The following FTCDNL1 variants were observed in gnomAD, a reference collection of about 807,000 sequenced individuals.
FTCDNL1 encodes the protein formiminotransferase N-terminal subdomain-containing protein.
Under a neutral mutation model 5.9 loss-of-function variants are expected in FTCDNL1, and 11 were observed. The ratio of observed to expected loss-of-function variants is 1.87; its 90% confidence interval spans 1.18 to 3.10. The LOEUF (loss-of-function observed/expected upper bound fraction) is 3.10, where lower values mean the gene tolerates loss of function less well. FTCDNL1 is among the 30% of genes most tolerant of loss of function. The pLI is 0.00. For missense variants in FTCDNL1, 115 were observed against 65.5 expected (o/e 1.76, Z -2.61); for synonymous variants, 58 against 24.8 (o/e 2.34, Z -3.99).
intron 3 of FTCDNL1, among the ~76,000 whole-genome samples, chr2:199,825,348 G>A (rs1416215294): frequency 6.6e-6 from 1 of 152,116 alleles, no homozygotes; most frequent in Non-Finnish European, 1.5e-5. Context: ...AAGGTAAGCC[G>A]TACTAAAAGG....
the FTCDNL1 span, among the ~76,000 whole-genome samples, chr2:199,750,985 T>C: frequency 6.6e-6 from 1 of 152,252 alleles, no homozygotes; most frequent in Non-Finnish European, 1.5e-5. Context: ...TTGCCATCCT[T>C]ATCTTCGCAG....
At chr2:199,755,695 G>T (rs1009454460), downstream of FTCDNL1, among the ~76,000 whole-genome samples, 1 of 152,080 alleles carries the variant, frequency 6.6e-6, no homozygotes, top group South Asian at 2.1e-4. Flanking sequence ...TACCTATGCT[G>T]CCCAGGTTCA....
intron 3 of FTCDNL1, among the ~76,000 whole-genome samples, chr2:199,821,495 C>A (rs1701688100): frequency 6.6e-6 from 1 of 151,014 alleles, no homozygotes; most frequent in Non-Finnish European, 1.5e-5. Context: ...GATGGAGTTT[C>A]ACGCTGTCGC....
At chr2:199,790,413 A>G (rs6711594) in intron 3 of FTCDNL1, among the ~76,000 whole-genome samples, 100,324 of 151,004 alleles carry the variant, frequency 0.66, 33,983 homozygotes, top group East Asian at 0.84. Context: ...CAGGAGAATC[A>G]CTTGAACCTG....
the FTCDNL1 span, among the ~76,000 whole-genome samples, chr2:199,730,360 G>A: frequency 1.3e-5 from 2 of 152,112 alleles, no homozygotes; most frequent in Non-Finnish European, 2.9e-5. Flanking sequence ...TTAAACTATA[G>A]AGCTTCTGCA....
In FTCDNL1 at chr2:199,771,809, T is replaced by C. The variant is rs115323052; in HGVS notation, c.212-10974A>G. Among the ~76,000 whole-genome samples, 1,136 of 152,286 alleles carry C rather than the reference T, an allele frequency of 7.5e-3. 5 individuals carry two copies. Among genetic ancestry groups the C allele is most frequent in the African/African-American group, 0.016 (682 of 41,552 alleles). ...AGAATACTACCTACAATTAAAGCAGTAGAATTAGAATATACTACTTCCCCC... is the reference window on the plus strand; with the variant it reads ...AGAATACTACCTACAATTAAAGCAGCAGAATTAGAATATACTACTTCCCCC... On this transcript the variant is annotated intron_variant, in intron 3 of 3. Transcript: ENST00000416668.
chr2:199,818,064 G>A (rs962041130), intron 4 of FTCDNL1, among the ~76,000 whole-genome samples: 3 of 152,190 alleles, frequency 2.0e-5, no homozygotes, highest in African/African-American at 7.2e-5. Context: ...TGAGAATTAA[G>A]TTATTCAAGT....
the FTCDNL1 span, among the ~76,000 whole-genome samples, chr2:199,668,713 AT>A: frequency 1.3e-5 from 2 of 152,260 alleles, no homozygotes; most frequent in East Asian, 3.9e-4. Flanking sequence ...ATTTTTAAAA[AT>A]ATATGCTTTC....
chr2:199,703,443 T>C, the FTCDNL1 span, among the ~76,000 whole-genome samples: 2 of 152,308 alleles, frequency 1.3e-5, no homozygotes, highest in East Asian at 3.9e-4. Flanking sequence ...AATTTTGTTA[T>C]ATTGATTGAC....
At chr2:199,679,888 C>T in the FTCDNL1 span, among the ~76,000 whole-genome samples, 1 of 152,122 alleles carries the variant, frequency 6.6e-6, no homozygotes, top group Admixed American at 6.5e-5. Flanking sequence ...AGTAATTTGA[C>T]ATTAACTTTC....
At chr2:199,692,353 G>C in the FTCDNL1 span, among the ~76,000 whole-genome samples, 6 of 152,186 alleles carry the variant, frequency 3.9e-5, no homozygotes, top group South Asian at 1.2e-3. Flanking sequence ...ATCTAACCAG[G>C]GCTCGTTTTT....
intron 3 of FTCDNL1, among the ~76,000 whole-genome samples, chr2:199,777,785 C>T (rs913015540): frequency 8.6e-5 from 13 of 151,962 alleles, no homozygotes; most frequent in Admixed American, 7.2e-4. Context: ...GGGGGTGGAA[C>T]GTTCCCACTC....
At chr2:199,701,872 T>C in the FTCDNL1 span, among the ~76,000 whole-genome samples, 1 of 151,952 alleles carries the variant, frequency 6.6e-6, no homozygotes, top group African/African-American at 2.4e-5. Context: ...CCGTCTCTAC[T>C]AAAAATACAA....
chr2:199,757,714 T>C (rs563656790), downstream of FTCDNL1, among the ~76,000 whole-genome samples: 129 of 152,338 alleles, frequency 8.5e-4, no homozygotes, highest in Middle Eastern at 6.8e-3. Context: ...GGAGTATGCA[T>C]GGCAGCTGGA....
chr2:199,752,940 C>G, the FTCDNL1 span, among the ~76,000 whole-genome samples: 3 of 151,970 alleles, frequency 2.0e-5, no homozygotes, highest in Non-Finnish European at 4.4e-5. Flanking sequence ...TAGTTTTTCT[C>G]GTCTGACACA....
rs1028438037 is a variant in FTCDNL1 at position 199,819,644 on chromosome 2, A to G, written c.325T>C (p.Phe109Leu). The G allele has an allele frequency of 2.8e-6, 2 of 702,290 alleles. No homozygotes were observed. The highest frequency in any genetic ancestry group is 2.6e-6 in the Non-Finnish European group (1 of 384,798). The allele number at this position is 702,290 out of a possible 1,614,324, so 43.5% of individuals were successfully genotyped here. A position where few individuals can be genotyped will look rare whatever the true frequency, so the allele number is the denominator to read the frequency against. The change falls in exon 4 of 5, where the codon TTC becomes CTC. Residue 109 changes from phenylalanine to leucine, a missense_variant. By Grantham distance (22) the Phe-to-Leu change is conservative. Coordinates refer to ENST00000420128, the MANE Select transcript of FTCDNL1 (RefSeq NM_001363886.2). ...LVQRRKQLGW[F>L]TRRDFSALQP... ...AGAGCACTGAAATCCCTCCTCGTGA[A>G]CCAGCCCAGCTGCTTCCTTCTCTGC...
chr2:199,726,614 G>A, the FTCDNL1 span, among the ~76,000 whole-genome samples: 1 of 152,218 alleles, frequency 6.6e-6, no homozygotes, highest in East Asian at 1.9e-4. Flanking sequence ...TATTGTTGTT[G>A]TTGCTTTCTG....
the FTCDNL1 span, among the ~76,000 whole-genome samples, chr2:199,672,559 G>A: frequency 5.9e-5 from 9 of 152,204 alleles, no homozygotes; most frequent in South Asian, 1.7e-3. Flanking sequence ...AGGGTAGCTG[G>A]GTGGTTTGGG....
At chr2:199,696,037 C>G in the FTCDNL1 span, among the ~76,000 whole-genome samples, 13 of 152,312 alleles carry the variant, frequency 8.5e-5, no homozygotes, top group Non-Finnish European at 1.8e-4. Flanking sequence ...TTCCCAGCAG[C>G]CATTGCCACA....
Sources: gnomAD v4.1 joint callset for allele counts (sites outside exome capture counted in the v4.1 genomes callset) on GRCh38, gnomAD v4.1.1 for gene constraint, MANE v1.5 for transcripts, NCBI Gene and HGNC (gene_info 2026-07-23, HGNC 2026-07-21) for gene names.